Variants in NABP1 observed in about 807,000 individuals in gnomAD.
NABP1 encodes nucleic acid binding protein 1, also known as SOSS complex subunit B2.
A neutral mutation model predicts 25.0 loss-of-function variants in NABP1; 18 were observed. That is an observed-to-expected ratio of 0.72 (90% CI 0.50 to 1.07). The LOEUF (loss-of-function observed/expected upper bound fraction) is 1.07, where lower values mean the gene tolerates loss of function less well. NABP1 is among the 50% of genes least tolerant of loss of function. NABP1 has a pLI of 0.00. For synonymous variants in NABP1, 71 were observed against 85.0 expected (o/e 0.84, Z 0.91); for missense variants, 270 against 255.6 (o/e 1.06, Z -0.39).
chr2:191,681,059 A>T (rs1339612352), intron 2 of NABP1, among the ~76,000 whole-genome samples: 1 of 152,196 alleles, frequency 6.6e-6, no homozygotes, highest in African/African-American at 2.4e-5. Context: ...TTGTAACCAA[A>T]TTTTTTCTCA....
intron 2 of NABP1, 90 bp from the exon 3 acceptor site, chr2:191,681,856 T>C: frequency 2.4e-6 from 2 of 817,534 alleles, no homozygotes; most frequent in Non-Finnish European, 3.5e-6. Flanking sequence ...TCTACCTTAA[T>C]ACAAAAAATA....
rs769143174 is a variant in NABP1, at chr2:191,683,711, T to G, written c.303-18T>G. On this transcript the variant is annotated intron_variant, in intron 3 of 5. Coordinates refer to ENST00000425611, the MANE Select transcript of NABP1 (RefSeq NM_001031716.5). This position sits in a 1 kb window ranked among gnomAD's most constrained non-coding sequence, Gnocchi z 4.1. ...TTTATTTCAGAAGTCATTTAATTTT[T>G]TCTTTATTTTCTTTCAGATTTTGTA... The G allele has an allele frequency of 1.3e-6, 2 of 1,588,274 alleles. No homozygotes were observed. The highest frequency in any genetic ancestry group is 4.5e-5 in the East Asian group (2 of 44,602).
intron 3 of NABP1, chr2:191,682,879 C>G (rs368210527): frequency 4.0e-6 from 1 of 250,936 alleles, no homozygotes; most frequent in Admixed American, 5.1e-5. Flanking sequence ...AAACACTTAA[C>G]GCTTTGCCTT....
chr2:191,682,009 A>C lies in NABP1; in HGVS notation c.294A>C (p.Lys98Asn). 6.7e-7 allele frequency: 1 copy of C among 1,492,242 alleles called. No individual in the cohort carries two copies. The highest frequency in any genetic ancestry group is 1.4e-5 in the South Asian group (1 of 70,458). 92.4% of individuals were successfully genotyped at this position (1,492,242 alleles called of 1,614,324 possible). Residue 98 changes from lysine (K) to asparagine (N), a missense_variant, in exon 3 of 6, where the codon AAA (lysine) becomes AAC (asparagine). Coordinates refer to ENST00000425611, the MANE Select transcript of NABP1 (RefSeq NM_001031716.5). The part of the protein sequence containing the change: ...LYTGRGGELQ[K>N]IGEFCMVYSE... ...CTGGAAGGGGTGGTGAACTTCAAAA[A>C]ATTGGGGAGTAAGTATTAAAATGCA...
At chr2:191,678,964 TC>T (rs1209643419) in intron 1 of NABP1, 25 bp from the exon 2 acceptor site, 1 of 1,613,972 alleles carries the variant, frequency 6.2e-7, no homozygotes, top group Non-Finnish European at 8.5e-7. Context: ...TAACAACCCC[TC>T]CCTTTGATTT....
chr2:191,681,645 G>T (rs1005016945), intron 2 of NABP1, among the ~76,000 whole-genome samples: 2 of 152,114 alleles, frequency 1.3e-5, no homozygotes, highest in African/African-American at 4.8e-5. Context: ...CTTTTGTTTT[G>T]TTAATTGACT....
In NABP1 at chr2:191,685,943, G is replaced by A; in HGVS notation, c.*175G>A. 1.8e-6 allele frequency: 1 copy of A among 557,926 alleles called. No homozygotes were observed. The highest frequency in any genetic ancestry group is 3.0e-6 in the Non-Finnish European group (1 of 328,356). 34.6% of individuals were successfully genotyped at this position (557,926 alleles called of 1,614,324 possible). A position where few individuals can be genotyped will look rare whatever the true frequency, so the allele number is the denominator to read the frequency against. ...ATAGCAAAACTGTTAAGCTGCTCGA[G>A]TCTCCTGTTGAAGAATGGGAACACT... On this transcript the variant is annotated 3_prime_UTR_variant, in exon 6 of 6. Transcript: ENST00000425611.
chr2:191,678,869 G>T (rs1687584627), intron 1 of NABP1, 121 bp from the exon 2 acceptor site: 1 of 1,462,358 alleles, frequency 6.8e-7, no homozygotes, highest in South Asian at 1.2e-5. Context: ...CCTGAGGCGG[G>T]AGCCCTGGGC....
rs1687734429 is a variant in NABP1 at position 191,683,291 on chromosome 2, T to A, written c.303-438T>A. ...AACCCTAAATGATTATCTTTGCAGATCCACAGTGATCGATCAAAAGAGGGA... is the reference window on the plus strand; with the variant it reads ...AACCCTAAATGATTATCTTTGCAGAACCACAGTGATCGATCAAAAGAGGGA... On this transcript the variant is annotated intron_variant, in intron 3 of 5. Coordinates refer to ENST00000425611, the MANE Select transcript of NABP1 (RefSeq NM_001031716.5). The surrounding 1 kb of genome is among the most constrained non-coding windows in gnomAD (Gnocchi z 4.1). 1 of 202,550 alleles carries A rather than the reference T, an allele frequency of 4.9e-6. No individual in the cohort carries two copies. The highest frequency in any genetic ancestry group is 1.0e-5 in the Non-Finnish European group (1 of 100,062). The allele number at this position is 202,550 out of a possible 1,614,324, so 12.5% of individuals were successfully genotyped here.
chr2:191,686,758 A>G lies in NABP1; in HGVS notation c.*990A>G, dbSNP rs1195297868. ...CAGTTCACATAGCCTTATTAGCAAAAGTTTTAAGAAATGGCTCTATCAAAG... is the reference window on the plus strand; with the variant it reads ...CAGTTCACATAGCCTTATTAGCAAAGGTTTTAAGAAATGGCTCTATCAAAG... On this transcript the variant is annotated 3_prime_UTR_variant, in exon 6 of 6. Coordinates refer to ENST00000425611, the MANE Select transcript of NABP1 (RefSeq NM_001031716.5). 1.3e-5 allele frequency: 2 copies of G among 152,570 alleles called. No homozygotes were observed. Among genetic ancestry groups the G allele is most frequent in the Non-Finnish European group, 2.9e-5 (2 of 68,030 alleles). 9.5% of individuals were successfully genotyped at this position (152,570 alleles called of 1,614,324 possible).
intron 4 of NABP1, 115 bp from the exon 5 acceptor site, chr2:191,684,115 T>C (rs1210915031): frequency 8.6e-5 from 42 of 485,610 alleles, no homozygotes; most frequent in Non-Finnish European, 2.0e-5. Context: ...ATTTGTTAAT[T>C]AAAAAAAAAA....
In NABP1 at chr2:191,685,626, C is replaced by G; in HGVS notation, c.473C>G (p.Ser158Ter). Residue 158 changes from serine (S) to a stop codon, truncating the protein, a stop_gained, in exon 6 of 6, where the codon TCA becomes TGA. Transcript: ENST00000425611. LOFTEE classifies it high-confidence loss of function. ...AATGGTGTTCACACTGGCCCTGAAT[C>G]AAGGGAACACCAGTTTTCACATGCT... ...VGNGVHTGPESREHQFSHAGR... is the reference protein window; with the variant it reads ...VGNGVHTGPE 6.2e-7 allele frequency: 1 copy of G among 1,613,558 alleles called. No individual in the cohort carries two copies. Among genetic ancestry groups the G allele is most frequent in the Non-Finnish European group, 8.5e-7 (1 of 1,179,748 alleles).
At position 191,679,924 on chromosome 2, in the gene NABP1, A is replaced by G. The variant is rs187554306; in HGVS notation, c.230+796A>G. Among the ~76,000 whole-genome samples, 375 of 152,306 alleles carry G rather than the reference A, an allele frequency of 2.5e-3. 2 individuals are homozygous for G. The highest frequency in any genetic ancestry group is 8.4e-3 in the African/African-American group (349 of 41,556). Reference sequence around the variant, plus strand: ...TGTGATATGTCAAATTTGTACTTGGAAAAAGAGGGAAACTTTACAGTATCT... The same window carrying G: ...TGTGATATGTCAAATTTGTACTTGGGAAAAGAGGGAAACTTTACAGTATCT... On this transcript the variant is annotated intron_variant, in intron 2 of 5. Coordinates refer to ENST00000425611, the MANE Select transcript of NABP1 (RefSeq NM_001031716.5).
chr2:191,685,988 T>G lies in NABP1; in HGVS notation c.*220T>G. ...AACACTGAAAAGTAGGGGCATTTAT[T>G]TTTAGAGTAAAAAGATTATTGGATA... is the stretch of plus-strand genomic sequence containing the variant. On this transcript the variant is annotated 3_prime_UTR_variant, in exon 6 of 6. Coordinates refer to ENST00000425611, the MANE Select transcript of NABP1 (RefSeq NM_001031716.5). The G allele has an allele frequency of 2.2e-6, 1 of 449,824 alleles. No individual in the cohort carries two copies. The allele number at this position is 449,824 out of a possible 1,614,324, so 27.9% of individuals were successfully genotyped here. A position where few individuals can be genotyped will look rare whatever the true frequency, so the allele number is the denominator to read the frequency against.
At position 191,686,727 on chromosome 2, in the gene NABP1, T is replaced by C. The variant is rs1272789706; in HGVS notation, c.*959T>C. ...TGAGTGTGCATGTTGTCAAAGTTTC[T>C]GAACACAGTTCACATAGCCTTATTA... On this transcript the variant is annotated 3_prime_UTR_variant, in exon 6 of 6. Transcript: ENST00000425611. 6.6e-6 allele frequency: 1 copy of C among 152,498 alleles called. No homozygotes were observed. The highest frequency in any genetic ancestry group is 1.5e-5 in the Non-Finnish European group (1 of 68,042). The allele number at this position is 152,498 out of a possible 1,614,324, so 9.4% of individuals were successfully genotyped here. A position where few individuals can be genotyped will look rare whatever the true frequency, so the allele number is the denominator to read the frequency against.
At chr2:191,682,696 C>T (rs1687720499) in intron 3 of NABP1, 1 of 295,574 alleles carries the variant, frequency 3.4e-6, no homozygotes, top group African/African-American at 2.2e-5. Flanking sequence ...GGTTAATGCT[C>T]TGCCATCTAC....
intron 1 of NABP1, 90 bp downstream of exon 1, chr2:191,678,795 C>T (rs554691201): frequency 8.0e-7 from 1 of 1,243,496 alleles, no homozygotes; most frequent in African/African-American, 1.5e-5. Context: ...CGGGGCTCCC[C>T]TCCTCCTCCC....
At chr2:191,682,291 G>C in intron 3 of NABP1, 2 of 392,998 alleles carry the variant, frequency 5.1e-6, no homozygotes, top group South Asian at 5.0e-5. Flanking sequence ...GTAGGTTTTA[G>C]AAATGTGCAT....
chr2:191,684,378 C>T lies in NABP1; in HGVS notation c.445+82C>T, dbSNP rs551522594. ...TAAAGATTCACGTGAAAAGCAACGT[C>T]TTTAGGCATAAATTAGTGATAAAGG... On this transcript the variant is annotated intron_variant, in intron 5 of 5. Transcript: ENST00000425611. 1.2e-5 allele frequency: 11 copies of T among 946,248 alleles called. No individual in the cohort carries two copies. The South Asian group carries it at 2.6e-4, about 22-fold the overall frequency. 58.6% of individuals were successfully genotyped at this position (946,248 alleles called of 1,614,324 possible). A position where few individuals can be genotyped will look rare whatever the true frequency, so the allele number is the denominator to read the frequency against.
Sources: gnomAD v4.1 joint callset for allele counts (sites outside exome capture counted in the v4.1 genomes callset) on GRCh38, gnomAD v4.1.1 for gene constraint, Gnocchi (gnomAD v3.1) non-coding constraint, MANE v1.5 for transcripts, NCBI Gene and HGNC (gene_info 2026-07-23, HGNC 2026-07-21) for gene names.